The following GNAQ variants were observed in gnomAD, a reference collection of about 807,000 sequenced individuals.
The protein encoded by GNAQ is guanine nucleotide-binding protein G(q) subunit alpha.
Under a neutral mutation model 43.9 loss-of-function variants are expected in GNAQ, and 8 were observed. The observed-to-expected ratio is 0.18, with a 90% CI of 0.11 to 0.33. The LOEUF is 0.33. Among genes scored for constraint, GNAQ ranks in the 10% least tolerant of loss-of-function variants. GNAQ has a pLI of 1.00. For synonymous variants in GNAQ, 155 were observed against 170.7 expected (o/e 0.91, Z 0.71); for missense variants, 158 against 450.8 (o/e 0.35, Z 5.88).
At chr9:77,859,238 T>G (rs1434107719) in intron 2 of GNAQ, among the ~76,000 whole-genome samples, 1 of 152,208 alleles carries the variant, frequency 6.6e-6, no homozygotes, top group East Asian at 1.9e-4. Flanking sequence ...CACCTCATAC[T>G]CTGCTGATGA....
chr9:77,717,710 T>C lies in GNAQ; in HGVS notation c.*3613A>G, dbSNP rs1825247551. ...CTTTAGCTGAATTACCTTTTTAAAATAGGCCTGCTAGTTAATCTACCAAAA... is the reference window on the plus strand; with the variant it reads ...CTTTAGCTGAATTACCTTTTTAAAACAGGCCTGCTAGTTAATCTACCAAAA... On this transcript the variant is annotated 3_prime_UTR_variant, in exon 7 of 7. Coordinates refer to ENST00000286548, the MANE Select transcript of GNAQ (RefSeq NM_002072.5). 4.3e-6 allele frequency: 1 copy of C among 231,552 alleles called. No homozygotes were observed. Among genetic ancestry groups the C allele is most frequent in the South Asian group, 1.8e-4 (1 of 5,512 alleles). 14.3% of individuals were successfully genotyped at this position (231,552 alleles called of 1,614,324 possible).
At chr9:77,983,813 T>C (rs139858199) in intron 1 of GNAQ, among the ~76,000 whole-genome samples, 3 of 152,150 alleles carry the variant, frequency 2.0e-5, no homozygotes, top group Non-Finnish European at 4.4e-5. Flanking sequence ...TCCACTCTTT[T>C]AGTGGGGAGG....
At chr9:77,897,578 C>G (rs924150120) in intron 2 of GNAQ, among the ~76,000 whole-genome samples, 1 of 152,228 alleles carries the variant, frequency 6.6e-6, no homozygotes, top group African/African-American at 2.4e-5. Context: ...GCACTGGGCT[C>G]CTGCCATGGG....
At position 77,918,466 on chromosome 9, in the gene GNAQ, TTTATAAA is replaced by T. The variant is rs139892574; in HGVS notation, c.321+3688_321+3694del. Among the ~76,000 whole-genome samples the T allele has an allele frequency of 0.019, 2,848 of 152,258 alleles. 229 individuals are homozygous for T. The East Asian group carries it at 0.28, about 15-fold the overall frequency. ...AATATACACCAAATTCTTTAGACTA[TTTATAAA>T]TTATAAAGTATATACCTTTGTAACC... On this transcript the variant is annotated intron_variant, in intron 2 of 6. Coordinates refer to ENST00000286548, the MANE Select transcript of GNAQ (RefSeq NM_002072.5).
chr9:77,947,446 A>C (rs1438707321), intron 1 of GNAQ, among the ~76,000 whole-genome samples: 1 of 152,180 alleles, frequency 6.6e-6, no homozygotes, highest in African/African-American at 2.4e-5. Flanking sequence ...ACTAAACTTC[A>C]CAAAAGCCAT....
intron 1 of GNAQ, among the ~76,000 whole-genome samples, chr9:77,977,381 C>T (rs540118668): frequency 2.0e-5 from 3 of 152,184 alleles, no homozygotes; most frequent in Admixed American, 6.5e-5. Context: ...CTTCCTTGAC[C>T]GCCCACATGG....
chr9:77,854,458 A>G (rs910154856), intron 2 of GNAQ, among the ~76,000 whole-genome samples: 6 of 152,250 alleles, frequency 3.9e-5, no homozygotes, highest in African/African-American at 1.4e-4. Context: ...AACACAGGTT[A>G]AGTGGCAGTG....
intron 2 of GNAQ, among the ~76,000 whole-genome samples, chr9:77,906,816 T>C (rs1587401118): frequency 6.6e-6 from 1 of 152,346 alleles, no homozygotes; most frequent in East Asian, 1.9e-4. Flanking sequence ...TTTTCTCACA[T>C]TATCTTTCTA....
intron 5 of GNAQ, among the ~76,000 whole-genome samples, chr9:77,780,047 G>C (rs969405590): frequency 6.6e-6 from 1 of 151,862 alleles, no homozygotes; most frequent in African/African-American, 2.4e-5. Context: ...TAGTAATATA[G>C]CAATATGTAT....
intron 1 of GNAQ, among the ~76,000 whole-genome samples, chr9:77,929,882 C>T (rs555831518): frequency 7.2e-5 from 11 of 152,192 alleles, no homozygotes; most frequent in African/African-American, 2.2e-4. Context: ...TGTTATTTTT[C>T]GCTTAACATA....
chr9:77,814,352 T>C (rs1411399722), intron 3 of GNAQ, among the ~76,000 whole-genome samples: 4 of 151,702 alleles, frequency 2.6e-5, no homozygotes, highest in Non-Finnish European at 5.9e-5. Context: ...AAGAACTATA[T>C]GAAGGTATGG....
intron 2 of GNAQ, among the ~76,000 whole-genome samples, chr9:77,872,885 G>C (rs1828063452): frequency 6.6e-6 from 1 of 152,166 alleles, no homozygotes; most frequent in Admixed American, 6.6e-5. Context: ...CTCTCCCTCG[G>C]TAAGGACCAA....
chr9:77,762,210 C>T (rs1475279646), intron 5 of GNAQ, among the ~76,000 whole-genome samples: 1 of 134,908 alleles, frequency 7.4e-6, no homozygotes, highest in Non-Finnish European at 1.6e-5. Context: ...AAGTGAGGAG[C>T]CCCTCTGCCC....
intron 5 of GNAQ, among the ~76,000 whole-genome samples, chr9:77,731,809 G>A (rs938876806): frequency 6.6e-6 from 1 of 152,200 alleles, no homozygotes; most frequent in African/African-American, 2.4e-5. Context: ...CAAGGGAGGT[G>A]ATGCTCTATC....
chr9:77,829,462 A>G (rs1228754022), intron 2 of GNAQ, among the ~76,000 whole-genome samples: 1 of 152,222 alleles, frequency 6.6e-6, no homozygotes, highest in Non-Finnish European at 1.5e-5. Flanking sequence ...AATAAAGTGG[A>G]AAAGCCAAGG....
At chr9:77,971,742 C>T (rs1037980897) in intron 1 of GNAQ, among the ~76,000 whole-genome samples, 1 of 152,168 alleles carries the variant, frequency 6.6e-6, no homozygotes, top group Non-Finnish European at 1.5e-5. Flanking sequence ...CCCTCTCTCA[C>T]CACTCCTATT....
At chr9:77,816,156 T>G (rs941861998) in intron 2 of GNAQ, among the ~76,000 whole-genome samples, 11 of 152,174 alleles carry the variant, frequency 7.2e-5, no homozygotes, top group African/African-American at 2.4e-4. Flanking sequence ...TTATAGTTTA[T>G]TATAATCAAA....
rs1231443552 is a variant in GNAQ, at chr9:77,897,350, C to G, written c.321+24811G>C. 2.0e-5 allele frequency among the ~76,000 whole-genome samples: 3 copies of G among 152,174 alleles called. No homozygotes were observed. The South Asian group carries it at 6.2e-4, about 31-fold the overall frequency. The stretch of plus-strand genomic sequence containing the variant: ...GAATCCTTACTGCAGCAGAGCACAG[C>G]TATTAAATCTTTGCTGAGAGCACAA... On this transcript the variant is annotated intron_variant, in intron 2 of 6. Coordinates refer to ENST00000286548, the MANE Select transcript of GNAQ (RefSeq NM_002072.5).
At chr9:77,824,792 C>G (rs1431270193) in intron 2 of GNAQ, among the ~76,000 whole-genome samples, 1 of 152,060 alleles carries the variant, frequency 6.6e-6, no homozygotes, top group Non-Finnish European at 1.5e-5. Flanking sequence ...AAAAACAAAC[C>G]ATCAATTACC....
Sources: allele counts gnomAD v4.1 joint callset (sites outside exome capture counted in the v4.1 genomes callset), GRCh38; gene constraint gnomAD v4.1.1; transcripts MANE v1.5; gene names NCBI Gene and HGNC (gene_info 2026-07-23, HGNC 2026-07-21).